Variants in ICA1L observed in about 807,000 individuals in gnomAD.
ICA1L encodes islet cell autoantigen 1-like protein.
ICA1L carries 50 observed loss-of-function variants against 61.3 expected under a neutral mutation model. The ratio of observed to expected loss-of-function variants is 0.82; its 90% CI spans 0.65 to 1.03. The LOEUF (loss-of-function observed/expected upper bound fraction) is 1.03, where lower values mean the gene tolerates loss of function less well. Ranked by LOEUF, ICA1L falls within the 50% of genes least tolerant of loss-of-function variation. ICA1L has a pLI of 0.00. For synonymous variants in ICA1L, 161 were observed against 191.3 expected, an observed-to-expected ratio of 0.84 and a Z score of 1.31; for missense variants, 508 against 556.7, an observed-to-expected ratio of 0.91 and a Z score of 0.88.
At chr2:202,799,443 T>A (rs972725064) in intron 9 of ICA1L, among the ~76,000 whole-genome samples, 2 of 152,220 alleles carry the variant, frequency 1.3e-5, no homozygotes, top group African/African-American at 4.8e-5. Flanking sequence ...CTACTATTCA[T>A]GTCCTTTGCC....
chr2:202,785,235 A>G (rs75190431), intron 12 of ICA1L, among the ~76,000 whole-genome samples: 1 of 151,730 alleles, frequency 6.6e-6, no homozygotes, highest in East Asian at 1.9e-4. Context: ...AAAAAAAAAA[A>G]AAGAAAAGAA....
chr2:202,820,328 T>C (rs897011942), intron 4 of ICA1L, among the ~76,000 whole-genome samples: 1 of 149,934 alleles, frequency 6.7e-6, no homozygotes, highest in Non-Finnish European at 1.5e-5. Flanking sequence ...CAAGCCGAGA[T>C]GGCGCCACTG....
intron 9 of ICA1L, among the ~76,000 whole-genome samples, chr2:202,798,969 C>T (rs1477510893): frequency 2.6e-5 from 4 of 152,102 alleles, no homozygotes; most frequent in African/African-American, 9.7e-5. Flanking sequence ...CTTTTTATGG[C>T]TGAATGGTAT....
intron 3 of ICA1L, among the ~76,000 whole-genome samples, chr2:202,822,247 G>A (rs929519722): frequency 2.6e-5 from 4 of 151,996 alleles, no homozygotes; most frequent in Non-Finnish European, 2.9e-5. Flanking sequence ...CTGCAACCTC[G>A]AATTCCTGGG....
At chr2:202,784,302 A>G (rs2105817241) in intron 12 of ICA1L, among the ~76,000 whole-genome samples, 1 of 152,244 alleles carries the variant, frequency 6.6e-6, no homozygotes, top group African/African-American at 2.4e-5. Flanking sequence ...AAAATTGGCC[A>G]GGCGTGGTGG....
intron 3 of ICA1L, among the ~76,000 whole-genome samples, chr2:202,823,639 C>G (rs1693757253): frequency 6.6e-6 from 1 of 152,214 alleles, no homozygotes; most frequent in African/African-American, 2.4e-5. Context: ...CCTATGCAGG[C>G]TGTTCTCATT....
rs890765982 is a variant in ICA1L at position 202,784,990 on chromosome 2, C to T, written c.1333+928G>A. ...ATCCTAGCAGTTTGGGAGCCTGAGG[C>T]GGGCGGATCATGAGGTCAGGAGATC... On this transcript the variant is annotated intron_variant, in intron 12 of 12. Coordinates refer to ENST00000358299, the MANE Select transcript of ICA1L (RefSeq NM_001288622.3). 4.0e-5 allele frequency among the ~76,000 whole-genome samples: 6 copies of T among 151,898 alleles called. 1 individual carries two copies. The highest frequency in any genetic ancestry group is 2.0e-4 in the Admixed American group (3 of 15,244).
rs566077817 is a variant in ICA1L, at chr2:202,779,658, AAG to A, written c.1334-12_1334-11del. On this transcript the variant is annotated splice_polypyrimidine_tract_variant and intron_variant, in intron 12 of 12. Transcript: ENST00000358299. ...TTGCCATTGTTGGGGGCTATTAAAA[AAG>A]AAAAAAAATACATTAAAGAGATTCA... 9.1e-5 allele frequency: 138 copies of A among 1,511,756 alleles called. 1 individual carries two copies. In the African/African-American group the frequency reaches 1.7e-3, roughly 19 times the overall value. The allele number at this position is 1,511,756 out of a possible 1,614,324, so 93.6% of individuals were successfully genotyped here.
intron 1 of ICA1L, among the ~76,000 whole-genome samples, chr2:202,851,261 G>A (rs1003890133): frequency 3.5e-4 from 53 of 151,676 alleles, no homozygotes; most frequent in African/African-American, 1.2e-3. Flanking sequence ...AACATGCAGT[G>A]TTTGTTTTTT....
intron 1 of ICA1L, among the ~76,000 whole-genome samples, chr2:202,868,038 G>A (rs1348697376): frequency 3.9e-5 from 6 of 152,110 alleles, no homozygotes; most frequent in Non-Finnish European, 8.8e-5. Context: ...AATGAGTAAG[G>A]GGTGTTTTTA....
chr2:202,825,484 T>C (rs1182691049), intron 3 of ICA1L: 2 of 1,281,468 alleles, frequency 1.6e-6, no homozygotes, highest in Non-Finnish European at 2.0e-6. Context: ...AAAAAAAATA[T>C]CAGCAAAAAA....
chr2:202,796,669 C>G (rs1478077846), intron 10 of ICA1L, among the ~76,000 whole-genome samples: 2 of 152,174 alleles, frequency 1.3e-5, no homozygotes, highest in Admixed American at 1.3e-4. Flanking sequence ...AAGGCAGACA[C>G]AGCCCTAGCT....
chr2:202,843,421 CA>C (rs1694381585), intron 1 of ICA1L, among the ~76,000 whole-genome samples: 1 of 152,148 alleles, frequency 6.6e-6, no homozygotes. Context: ...TGAGTTTCTG[CA>C]GTGGCGCAAG....
At chr2:202,791,233 T>C (rs925762249) in intron 10 of ICA1L, among the ~76,000 whole-genome samples, 3 of 152,210 alleles carry the variant, frequency 2.0e-5, no homozygotes, top group Admixed American at 6.5e-5. Flanking sequence ...CTCCAGGGAC[T>C]GTTGAAATCA....
chr2:202,798,393 C>T (rs1454131522), intron 9 of ICA1L, among the ~76,000 whole-genome samples: 1 of 152,044 alleles, frequency 6.6e-6, no homozygotes, highest in Non-Finnish European at 1.5e-5. Context: ...TGTGTGTCAC[C>T]ATACCTGAAT....
chr2:202,840,965 G>C, intron 1 of ICA1L: 1 of 693,478 alleles, frequency 1.4e-6, no homozygotes, highest in Non-Finnish European at 2.7e-6. Context: ...CCTGGCTGTG[G>C]TTGGCCATCT....
At chr2:202,868,599 A>G (rs1687593365) in intron 1 of ICA1L, among the ~76,000 whole-genome samples, 1 of 152,232 alleles carries the variant, frequency 6.6e-6, no homozygotes, top group Admixed American at 6.5e-5. Context: ...ATAAAAAACT[A>G]GAAACAATCT....
At position 202,777,500 on chromosome 2, in the gene ICA1L, G is replaced by A. The variant is rs529967598; in HGVS notation, c.*2033C>T. On this transcript the variant is annotated 3_prime_UTR_variant, in exon 13 of 13. Coordinates refer to ENST00000358299, the MANE Select transcript of ICA1L (RefSeq NM_001288622.3). ...GTATTACATTCTGGGAAATTTCACT[G>A]AGTATAAAGGAAGACTTAAGTCTTC... 66 of 152,304 alleles carry A rather than the reference G, an allele frequency of 4.3e-4. No individual in the cohort carries two copies. Among genetic ancestry groups the A allele is most frequent in the African/African-American group, 1.6e-3 (66 of 41,556 alleles). 9.4% of individuals were successfully genotyped at this position (152,304 alleles called of 1,614,324 possible).
chr2:202,781,744 C>G (rs530724890), intron 12 of ICA1L, among the ~76,000 whole-genome samples: 2 of 152,198 alleles, frequency 1.3e-5, no homozygotes, highest in East Asian at 3.9e-4. Flanking sequence ...ATATTTTAGT[C>G]AATGGATAGA....
Sources: allele counts gnomAD v4.1 joint callset (sites outside exome capture counted in the v4.1 genomes callset), GRCh38; gene constraint gnomAD v4.1.1; transcripts MANE v1.5; gene names NCBI Gene and HGNC (gene_info 2026-07-23, HGNC 2026-07-21).